Variants in PRDM16 observed in about 807,000 individuals in gnomAD.
PRDM16 encodes histone-lysine N-methyltransferase PRDM16.
Under a neutral mutation model 110.6 loss-of-function variants are expected in PRDM16, and 23 were observed. That is an observed-to-expected ratio of 0.21 (90% CI 0.15 to 0.29). The LOEUF (loss-of-function observed/expected upper bound fraction) is 0.29. Among genes scored for constraint, PRDM16 ranks in the 10% least tolerant of loss-of-function variants. The probability of loss-of-function intolerance (pLI) is 1.00; values close to 1 mark genes in which losing one functional copy is unlikely to be tolerated. For synonymous variants in PRDM16, 799 were observed against 781.8 expected, an observed-to-expected ratio of 1.02 and a Z score of -0.37; for missense variants, 1,615 against 1,794.3, an observed-to-expected ratio of 0.90 and a Z score of 1.81.
rs1638825448 is a variant in PRDM16, at chr1:3,209,332, C to T, written c.387+22858C>T. Among the ~76,000 whole-genome samples, 1 of 152,236 alleles carries T rather than the reference C, an allele frequency of 6.6e-6. No individual in the cohort carries two copies. The highest frequency in any genetic ancestry group is 1.5e-5 in the Non-Finnish European group (1 of 68,040). On this transcript the variant is annotated intron_variant, in intron 2 of 16. Transcript: ENST00000270722. This position sits in a 1 kb window ranked among gnomAD's most constrained non-coding sequence, Gnocchi z 4.6. ...GGCAGGGACAGCACTGCACGTTTGA[C>T]ATCGGGGCACGCAGCTCCGACGTGG...
intron 3 of PRDM16, among the ~76,000 whole-genome samples, chr1:3,335,154 C>T (rs1171372178): frequency 6.6e-6 from 1 of 152,228 alleles, no homozygotes; most frequent in African/African-American, 2.4e-5. Flanking sequence ...AGGAGCCCAG[C>T]GTGCGAATTC....
chr1:3,317,106 A>C (rs1308431734), intron 3 of PRDM16, among the ~76,000 whole-genome samples: 2 of 152,208 alleles, frequency 1.3e-5, no homozygotes, highest in Non-Finnish European at 2.9e-5. Flanking sequence ...ATACGTAATG[A>C]CAGCGCCCTA....
intron 3 of PRDM16, among the ~76,000 whole-genome samples, chr1:3,298,245 G>C (rs1388134027): frequency 6.6e-6 from 1 of 152,212 alleles, no homozygotes; most frequent in African/African-American, 2.4e-5. Context: ...CTCCGCAAAT[G>C]CACCTCGTGT....
intron 3 of PRDM16, among the ~76,000 whole-genome samples, chr1:3,304,676 G>A (rs1448955611): frequency 6.6e-6 from 1 of 152,170 alleles, no homozygotes; most frequent in African/African-American, 2.4e-5. Context: ...CGCAAATAAG[G>A]GAGGGCAGTG....
At chr1:3,217,175 G>C (rs1351039072) in intron 2 of PRDM16, among the ~76,000 whole-genome samples, 1 of 152,258 alleles carries the variant, frequency 6.6e-6, no homozygotes, top group Non-Finnish European at 1.5e-5. Context: ...CGTGAAACGG[G>C]CATTCGCCCG....
intron 3 of PRDM16, among the ~76,000 whole-genome samples, chr1:3,384,825 GTGGGTCAGCTTTGCTGCGGGGGT>G (rs1486336256): frequency 6.6e-6 from 1 of 152,208 alleles, no homozygotes; most frequent in Non-Finnish European, 1.5e-5. Context: ...CTTCTCACAC[GTGGGTCAGCTTTGCTGCGGGGGT>G]GGGGGTTGCA....
intron 1 of PRDM16, among the ~76,000 whole-genome samples, chr1:3,114,441 A>G (rs1471110146): frequency 1.5e-5 from 2 of 132,488 alleles, no homozygotes; most frequent in African/African-American, 3.5e-5. Flanking sequence ...GTGTAAACAG[A>G]CGCACACGCA....
chr1:3,336,987 CTGTG>C (rs370611745), intron 3 of PRDM16, among the ~76,000 whole-genome samples: 3 of 145,498 alleles, frequency 2.1e-5, no homozygotes, highest in African/African-American at 5.2e-5. Context: ...TGGTGTGAAT[CTGTG>C]TGTGCATGCA....
At position 3,244,190 on chromosome 1, in the gene PRDM16, T is replaced by C; in HGVS notation, c.438+53T>C. Reference sequence around the variant, plus strand: ...AGCTCCCCAGCGTCCTCGGAGCTCCTGGCGGGGCGACCGCCATCCCAGCTG... The same window carrying C: ...AGCTCCCCAGCGTCCTCGGAGCTCCCGGCGGGGCGACCGCCATCCCAGCTG... On this transcript the variant is annotated intron_variant, in intron 3 of 16. Coordinates refer to ENST00000270722, the MANE Select transcript of PRDM16 (RefSeq NM_022114.4). The surrounding 1 kb of genome is among the most constrained non-coding windows in gnomAD (Gnocchi z 4.1). 6.4e-7 allele frequency: 1 copy of C among 1,551,964 alleles called. No homozygotes were observed. The highest frequency in any genetic ancestry group is 8.9e-7 in the Non-Finnish European group (1 of 1,125,592).
intron 3 of PRDM16, among the ~76,000 whole-genome samples, chr1:3,318,644 A>T (rs935861860): frequency 1.3e-5 from 2 of 152,198 alleles, no homozygotes; most frequent in Non-Finnish European, 2.9e-5. Context: ...ATTTTCCAAC[A>T]TGAGACACTG....
At position 3,213,538 on chromosome 1, in the gene PRDM16, C is replaced by T. The variant is rs913792172; in HGVS notation, c.387+27064C>T. Among the ~76,000 whole-genome samples the T allele has an allele frequency of 6.6e-6, 1 of 152,140 alleles. No individual in the cohort carries two copies. The highest frequency in any genetic ancestry group is 6.5e-5 in the Admixed American group (1 of 15,276). ...TGCCCGTGGGGGGTTGCTAGAGAGT[C>T]CTTTGTCGCCTCCCTGGGGGCACAG... On this transcript the variant is annotated intron_variant, in intron 2 of 16. Transcript: ENST00000270722. This position sits in a 1 kb window ranked among gnomAD's most constrained non-coding sequence, Gnocchi z 5.3.
At chr1:3,331,093 C>T (rs917033324) in intron 3 of PRDM16, among the ~76,000 whole-genome samples, 13 of 152,254 alleles carry the variant, frequency 8.5e-5, no homozygotes, top group Admixed American at 3.3e-4. Flanking sequence ...AGGGAGGGGC[C>T]GCCAGCCCAC....
chr1:3,097,822 G>T (rs1402689075), intron 1 of PRDM16, among the ~76,000 whole-genome samples: 1 of 152,146 alleles, frequency 6.6e-6, no homozygotes, highest in Non-Finnish European at 1.5e-5. Flanking sequence ...TCCCAGGGGG[G>T]CCCAAGCATG....
chr1:3,428,535 G>A (rs537405384), intron 14 of PRDM16, among the ~76,000 whole-genome samples: 1 of 152,336 alleles, frequency 6.6e-6, no homozygotes, highest in East Asian at 1.9e-4. Context: ...CTGAGGCAAG[G>A]TCCCCGGGTC....
intron 1 of PRDM16, among the ~76,000 whole-genome samples, chr1:3,129,869 C>G (rs547934039): frequency 1.3e-5 from 2 of 150,556 alleles, no homozygotes; most frequent in South Asian, 4.2e-4. Context: ...TTTCTCTCCT[C>G]TCTCAGTCTC....
chr1:3,284,402 TCCTATTAGG>T (rs1029605026), intron 3 of PRDM16, among the ~76,000 whole-genome samples: 20 of 152,298 alleles, frequency 1.3e-4, no homozygotes, highest in African/African-American at 4.8e-4. Context: ...GTGGGCGTTC[TCCTATTAGG>T]CCAGAATTTT....
At chr1:3,078,598 C>A (rs554057441) in intron 1 of PRDM16, among the ~76,000 whole-genome samples, 2 of 152,370 alleles carry the variant, frequency 1.3e-5, no homozygotes, top group Admixed American at 6.5e-5. Flanking sequence ...ATGTAATTTT[C>A]TTTGCTGCTG....
intron 2 of PRDM16, among the ~76,000 whole-genome samples, chr1:3,223,018 G>C (rs78024466): frequency 0.032 from 4,918 of 151,454 alleles, 169 homozygotes; most frequent in East Asian, 0.12. Context: ...GCGTGGGGTA[G>C]CATCTGCAGA....
rs1275649483 is a variant in PRDM16 at position 3,080,057 on chromosome 1, A to G, written c.37+10761A>G. Among the ~76,000 whole-genome samples, 5 of 152,234 alleles carry G rather than the reference A, an allele frequency of 3.3e-5. No homozygotes were observed. Among genetic ancestry groups the G allele is most frequent in the African/African-American group, 1.2e-4 (5 of 41,466 alleles). ...AGAGACTGGAAAAGTTCAAAGGTGG[A>G]GAGGCGGCAGCGATCTGGAGCACTT... On this transcript the variant is annotated intron_variant, in intron 1 of 16. Coordinates refer to ENST00000270722, the MANE Select transcript of PRDM16 (RefSeq NM_022114.4). The surrounding 1 kb of genome is among the most constrained non-coding windows in gnomAD (Gnocchi z 5.2).
Sources: allele counts gnomAD v4.1 joint callset (sites outside exome capture counted in the v4.1 genomes callset), GRCh38; gene constraint gnomAD v4.1.1; non-coding constraint Gnocchi (gnomAD v3.1); transcripts MANE v1.5; gene names NCBI Gene and HGNC (gene_info 2026-07-23, HGNC 2026-07-21).